Variants in CD2AP observed in about 807,000 individuals in gnomAD.
The protein encoded by CD2AP is CD2-associated protein.
Under a neutral mutation model 85.1 loss-of-function variants are expected in CD2AP, and 46 were observed. The observed-to-expected ratio is 0.54, with a 90% CI of 0.43 to 0.69. The LOEUF (loss-of-function observed/expected upper bound fraction) is 0.69, where lower values mean the gene tolerates loss of function less well. CD2AP is among the 30% of genes least tolerant of loss of function. The pLI is 0.00. For synonymous variants in CD2AP, 255 were observed against 252.9 expected, an observed-to-expected ratio of 1.01 and a Z score of -0.08; for missense variants, 769 against 729.5, an observed-to-expected ratio of 1.05 and a Z score of -0.62.
At chr6:47,622,062 G>A (rs1254546092) in intron 17 of CD2AP, among the ~76,000 whole-genome samples, 1 of 152,218 alleles carries the variant, frequency 6.6e-6, no homozygotes, top group Non-Finnish European at 1.5e-5. Context: ...GGTCACTGGA[G>A]TTGTGTAGCT....
At chr6:47,579,792 A>G in intron 9 of CD2AP, 1 of 259,802 alleles carries the variant, frequency 3.8e-6, no homozygotes, top group Non-Finnish European at 7.3e-6. Flanking sequence ...AAGAAATTGT[A>G]TTTTTATTTA....
chr6:47,525,917 C>T (rs1286487407), intron 2 of CD2AP, among the ~76,000 whole-genome samples: 2 of 152,026 alleles, frequency 1.3e-5, no homozygotes, highest in Non-Finnish European at 1.5e-5. Context: ...TCGAGTTTTT[C>T]AGAGTTTGCT....
chr6:47,490,188 G>T (rs1330900531), intron 1 of CD2AP, among the ~76,000 whole-genome samples: 2 of 152,066 alleles, frequency 1.3e-5, no homozygotes, highest in African/African-American at 2.4e-5. Context: ...TTGCCATATT[G>T]CCCAGGCTGG....
intron 1 of CD2AP, among the ~76,000 whole-genome samples, chr6:47,490,397 A>G (rs1765705031): frequency 6.6e-6 from 1 of 152,156 alleles, no homozygotes; most frequent in Non-Finnish European, 1.5e-5. Context: ...TATGATGGCT[A>G]TTCATATGGT....
At chr6:47,547,822 C>T (rs1767406901) in intron 4 of CD2AP, among the ~76,000 whole-genome samples, 1 of 152,034 alleles carries the variant, frequency 6.6e-6, no homozygotes, top group Non-Finnish European at 1.5e-5. Context: ...TTATATCAAG[C>T]ACTCTCTCAC....
chr6:47,578,935 G>A (rs914021327), intron 8 of CD2AP, among the ~76,000 whole-genome samples: 1 of 152,096 alleles, frequency 6.6e-6, no homozygotes, highest in Admixed American at 6.5e-5. Context: ...GGGATTACAG[G>A]TGTGAGCCAC....
intron 5 of CD2AP, among the ~76,000 whole-genome samples, chr6:47,565,586 C>T (rs1262479784): frequency 6.6e-6 from 1 of 151,830 alleles, no homozygotes; most frequent in African/African-American, 2.4e-5. Context: ...CCTTTTTTTC[C>T]TGCTCCATGT....
intron 2 of CD2AP, among the ~76,000 whole-genome samples, chr6:47,504,043 A>G (rs1020302404): frequency 6.6e-6 from 1 of 152,254 alleles, no homozygotes; most frequent in Non-Finnish European, 1.5e-5. Flanking sequence ...ACTACCAAAC[A>G]TTCCTTTTTT....
rs1433062826 is a variant in CD2AP at position 47,477,943 on chromosome 6, G to A, written c.-302G>A. 1 of 510,026 alleles carries A rather than the reference G, an allele frequency of 2.0e-6. No homozygotes were observed. The allele number at this position is 510,026 out of a possible 1,614,324, so 31.6% of individuals were successfully genotyped here. A position where few individuals can be genotyped will look rare whatever the true frequency, so the allele number is the denominator to read the frequency against. On this transcript the variant is annotated 5_prime_UTR_variant, in exon 1 of 18. Coordinates refer to ENST00000359314, the MANE Select transcript of CD2AP (RefSeq NM_012120.3). ...GTGGGTCCCTCCCCACTGCGGGAGC[G>A]GCCAGGGTGGGAAAACCGCGGTCGG...
chr6:47,479,444 T>C (rs902411036), intron 1 of CD2AP, among the ~76,000 whole-genome samples: 1 of 152,232 alleles, frequency 6.6e-6, no homozygotes, highest in African/African-American at 2.4e-5. Flanking sequence ...CTTAGACTTT[T>C]CTAATTTTAT....
At chr6:47,548,516 T>G (rs542102477) in intron 4 of CD2AP, among the ~76,000 whole-genome samples, 2 of 152,224 alleles carry the variant, frequency 1.3e-5, no homozygotes, top group East Asian at 3.9e-4. Flanking sequence ...GAATTACATA[T>G]GCTGAACAGA....
chr6:47,547,171 A>G (rs1476468709), intron 4 of CD2AP, among the ~76,000 whole-genome samples: 1 of 152,170 alleles, frequency 6.6e-6, no homozygotes, highest in Non-Finnish European at 1.5e-5. Flanking sequence ...AACAAATACC[A>G]TGATGAATGG....
chr6:47,513,196 T>C (rs1459871313), intron 2 of CD2AP, among the ~76,000 whole-genome samples: 1 of 151,858 alleles, frequency 6.6e-6, no homozygotes, highest in Non-Finnish European at 1.5e-5. Context: ...TCTAAGGGTA[T>C]CTTCCTCAAA....
At chr6:47,556,551 G>A (rs552218881) in intron 5 of CD2AP, among the ~76,000 whole-genome samples, 68 of 152,184 alleles carry the variant, frequency 4.5e-4, no homozygotes, top group African/African-American at 1.4e-3. Flanking sequence ...GTTTCTCCAT[G>A]TTGGTCAAGC....
At chr6:47,504,614 G>A (rs1766080012) in intron 2 of CD2AP, among the ~76,000 whole-genome samples, 1 of 152,134 alleles carries the variant, frequency 6.6e-6, no homozygotes, top group African/African-American at 2.4e-5. Context: ...TATCACAATT[G>A]GTGAGTCTGC....
chr6:47,501,124 C>T (rs993345304), intron 1 of CD2AP, among the ~76,000 whole-genome samples: 21 of 152,254 alleles, frequency 1.4e-4, no homozygotes, highest in African/African-American at 4.6e-4. Context: ...TGGTGGCTCA[C>T]GCCTGTGATC....
In CD2AP at chr6:47,626,459, C is replaced by T. The variant is rs886061548; in HGVS notation, c.*2232C>T. Reference sequence around the variant, plus strand: ...GGGTAAATCATGAATTTTTTTTCTACGTGTGAGTATAAAAGACAAAAGTTG... The same window carrying T: ...GGGTAAATCATGAATTTTTTTTCTATGTGTGAGTATAAAAGACAAAAGTTG... On this transcript the variant is annotated 3_prime_UTR_variant, in exon 18 of 18. Transcript: ENST00000359314. 8 of 151,974 alleles carry T rather than the reference C, an allele frequency of 5.3e-5. No homozygotes were observed. The highest frequency in any genetic ancestry group is 1.9e-4 in the East Asian group (1 of 5,182). 9.4% of individuals were successfully genotyped at this position (151,974 alleles called of 1,614,324 possible).
intron 1 of CD2AP, among the ~76,000 whole-genome samples, chr6:47,484,334 T>C (rs1362402498): frequency 6.7e-6 from 1 of 149,846 alleles, no homozygotes; most frequent in Non-Finnish European, 1.5e-5. Flanking sequence ...TTCTTTGGAC[T>C]AAACTTGATA....
chr6:47,557,313 G>C (rs1374744246), intron 5 of CD2AP, among the ~76,000 whole-genome samples: 1 of 151,992 alleles, frequency 6.6e-6, no homozygotes, highest in Non-Finnish European at 1.5e-5. Context: ...TTGCTGTGCC[G>C]AAGCTCTTTA....
Sources: allele counts gnomAD v4.1 joint callset (sites outside exome capture counted in the v4.1 genomes callset), GRCh38; gene constraint gnomAD v4.1.1; transcripts MANE v1.5; gene names NCBI Gene and HGNC (gene_info 2026-07-23, HGNC 2026-07-21).